Variants in FRA10AC1 observed in about 807,000 individuals in gnomAD.
FRA10AC1 encodes the protein FRA10A associated CGG repeat 1, also known as protein FRA10AC1.
Under a neutral mutation model 56.5 loss-of-function variants are expected in FRA10AC1, and 43 were observed. The ratio of observed to expected loss-of-function variants is 0.76; its 90% CI spans 0.60 to 0.98. FRA10AC1 has a LOEUF of 0.98. FRA10AC1 is among the 50% of genes least tolerant of loss of function. The pLI is 0.00. For synonymous variants in FRA10AC1, 112 were observed against 110.5 expected, an observed-to-expected ratio of 1.01 and a Z score of -0.09; for missense variants, 346 against 351.8, an observed-to-expected ratio of 0.98 and a Z score of 0.13.
At chr10:93,679,315 A>G (rs749874705) in intron 11 of FRA10AC1, among the ~76,000 whole-genome samples, 1 of 152,198 alleles carries the variant, frequency 6.6e-6, no homozygotes, top group Non-Finnish European at 1.5e-5. Context: ...CAATGAACAA[A>G]GCAGGCAGAA....
intron 11 of FRA10AC1, among the ~76,000 whole-genome samples, chr10:93,677,948 C>T (rs1158753017): frequency 1.3e-5 from 2 of 152,206 alleles, no homozygotes; most frequent in African/African-American, 4.8e-5. Context: ...CACTCACCTA[C>T]ACTTATTGAA....
chr10:93,692,863 G>C, intron 5 of FRA10AC1, 134 bp from the exon 6 acceptor site: 1 of 501,436 alleles, frequency 2.0e-6, no homozygotes, highest in Non-Finnish European at 3.4e-6. Context: ...GTATAAATTT[G>C]TTCACATATT....
At position 93,676,681 on chromosome 10, in the gene FRA10AC1, A is replaced by G. The variant is rs1384454587; in HGVS notation, c.798T>C (p.Ser266=). 5.1e-6 allele frequency: 8 copies of G among 1,568,492 alleles called. No individual in the cohort carries two copies. Among genetic ancestry groups the G allele is most frequent in the Non-Finnish European group, 6.9e-6 (8 of 1,162,066 alleles). ...GTAGAGAATCTTCAGATTTCTTTGA[A>G]GATGAATGTCCTGAAAAGGAAACAT... is the stretch of plus-strand genomic sequence containing the variant. The part of the protein sequence containing the change: ...ASKKKDKGHS[S]SKKSEDSLLR... The change falls in exon 12 of 14, where the codon TCT becomes TCC. Residue 266 remains serine (S), a synonymous_variant. Coordinates refer to ENST00000359204, the MANE Select transcript of FRA10AC1 (RefSeq NM_145246.5).
chr10:93,698,823 G>A (rs1471939459), intron 2 of FRA10AC1, among the ~76,000 whole-genome samples: 1 of 152,338 alleles, frequency 6.6e-6, no homozygotes, highest in East Asian at 1.9e-4. Flanking sequence ...GATCCAGCTC[G>A]CCCAACCCAT....
At chr10:93,699,433 C>T (rs1181605292) in intron 2 of FRA10AC1, among the ~76,000 whole-genome samples, 2 of 152,128 alleles carry the variant, frequency 1.3e-5, no homozygotes, top group Non-Finnish European at 2.9e-5. Context: ...AAGTATAAAA[C>T]TGAGTTTCTA....
At chr10:93,672,007 C>A in intron 12 of FRA10AC1, 1 of 430,212 alleles carries the variant, frequency 2.3e-6, no homozygotes. Flanking sequence ...TTTAAAAATA[C>A]TGCAAAATTA....
intron 8 of FRA10AC1, 95 bp from the exon 9 acceptor site, chr10:93,685,454 CAA>C: frequency 1.6e-6 from 1 of 624,448 alleles, no homozygotes; most frequent in Non-Finnish European, 2.8e-6. Context: ...CTAAAATATG[CAA>C]ATTAACCATA....
intron 5 of FRA10AC1, 50 bp downstream of exon 5, chr10:93,694,811 A>G: frequency 9.6e-7 from 1 of 1,045,136 alleles, no homozygotes; most frequent in Non-Finnish European, 1.5e-6. Context: ...TGGGTCTTTA[A>G]AGTTTCCCAT....
chr10:93,702,903 AACGCCTCC>A, upstream of FRA10AC1: 1 of 435,676 alleles, frequency 2.3e-6, no homozygotes, highest in Admixed American at 2.6e-5. Flanking sequence ...TAACCTTAGT[AACGCCTCC>A]TCGGAGGATC....
intron 7 of FRA10AC1, among the ~76,000 whole-genome samples, chr10:93,690,652 C>T (rs1352876155): frequency 6.6e-6 from 1 of 152,004 alleles, no homozygotes; most frequent in African/African-American, 2.4e-5. Context: ...AAGAACAATC[C>T]ATGAATAAGC....
At chr10:93,682,534 C>T (rs767791623) in intron 10 of FRA10AC1, among the ~76,000 whole-genome samples, 31 of 152,152 alleles carry the variant, frequency 2.0e-4, no homozygotes, top group Non-Finnish European at 4.1e-4. Context: ...AGTGTGGAGG[C>T]TTATGCCTAT....
chr10:93,676,522 T>C (rs2058842756), intron 12 of FRA10AC1, 131 bp downstream of exon 12: 1 of 1,340,670 alleles, frequency 7.5e-7, no homozygotes. Context: ...TTTCTACAGT[T>C]TTTCTCATGT....
intron 8 of FRA10AC1, among the ~76,000 whole-genome samples, chr10:93,686,918 T>C (rs2059037532): frequency 6.6e-6 from 1 of 151,854 alleles, no homozygotes. Flanking sequence ...TCTGGTCTTT[T>C]GCTATTAGAC....
rs1438373403 is a variant in FRA10AC1, at chr10:93,692,556, G to C, written c.380+90C>G. ...CTTGATTCAGAACTGTTCTATGAAG[G>C]GGCTGAACACCTTGACTAAAAAACC... On this transcript the variant is annotated intron_variant, in intron 6 of 13. Coordinates refer to ENST00000359204, the MANE Select transcript of FRA10AC1 (RefSeq NM_145246.5). 7 of 775,026 alleles carry C rather than the reference G, an allele frequency of 9.0e-6. No individual in the cohort carries two copies. The East Asian group carries it at 1.1e-4, about 12-fold the overall frequency. 48.0% of individuals were successfully genotyped at this position (775,026 alleles called of 1,614,324 possible).
At chr10:93,681,722 A>G in intron 10 of FRA10AC1, 124 bp from the exon 11 acceptor site, 1 of 848,436 alleles carries the variant, frequency 1.2e-6, no homozygotes, top group South Asian at 2.5e-5. Context: ...GATTTATATA[A>G]TAAGGAACGT....
At chr10:93,699,608 C>G (rs1259880196) in intron 2 of FRA10AC1, among the ~76,000 whole-genome samples, 1 of 152,170 alleles carries the variant, frequency 6.6e-6, no homozygotes, top group Non-Finnish European at 1.5e-5. Flanking sequence ...TTCACGTATG[C>G]GTAAGAACTG....
At chr10:93,698,803 A>T (rs1194522920) in intron 2 of FRA10AC1, among the ~76,000 whole-genome samples, 1 of 121,690 alleles carries the variant, frequency 8.2e-6, no homozygotes, top group East Asian at 3.2e-4. Flanking sequence ...TATAGAGAAC[A>T]CAAACCACAG....
chr10:93,681,985 G>T (rs829106), intron 10 of FRA10AC1, among the ~76,000 whole-genome samples: 127,772 of 152,016 alleles, frequency 0.84, 54,253 homozygotes, highest in African/African-American at 0.96. Flanking sequence ...AAAACACAAA[G>T]AAGAAGAAAC....
At chr10:93,671,900 A>T (rs2058768281) in intron 12 of FRA10AC1, 1 of 367,548 alleles carries the variant, frequency 2.7e-6, no homozygotes, top group Non-Finnish European at 5.2e-6. Flanking sequence ...ATGAGCATGA[A>T]TTACCTTCAA....
Sources: gnomAD v4.1 joint callset for allele counts (sites outside exome capture counted in the v4.1 genomes callset) on GRCh38, gnomAD v4.1.1 for gene constraint, MANE v1.5 for transcripts, NCBI Gene and HGNC (gene_info 2026-07-23, HGNC 2026-07-21) for gene names.